LYPLA1: variants seen among roughly 807,000 people sequenced by gnomAD.
LYPLA1 encodes lysophospholipase 1.
LYPLA1 carries 17 observed loss-of-function variants against 34.0 expected under a neutral mutation model. The observed-to-expected ratio is 0.50, with a 90% CI of 0.34 to 0.75. LYPLA1 has a LOEUF of 0.75. Ranked by LOEUF, LYPLA1 falls within the 30% of genes least tolerant of loss-of-function variation. The probability of loss-of-function intolerance (pLI) is 0.01; values close to 1 mark genes in which losing one functional copy is unlikely to be tolerated. For synonymous variants in LYPLA1, 98 were observed against 100.8 expected, an observed-to-expected ratio of 0.97 and a Z score of 0.17; for missense variants, 203 against 288.8, an observed-to-expected ratio of 0.70 and a Z score of 2.15.
At chr8:54,061,818 T>TC (rs1407148054) in intron 5 of LYPLA1, among the ~76,000 whole-genome samples, 10 of 152,200 alleles carry the variant, frequency 6.6e-5, no homozygotes, top group African/African-American at 2.2e-4. Context: ...CAGCAGTACC[T>TC]CCTGAGATTA....
intron 2 of LYPLA1, among the ~76,000 whole-genome samples, chr8:54,092,124 C>G (rs193038046): frequency 8.1e-5 from 12 of 147,684 alleles, no homozygotes; most frequent in African/African-American, 2.8e-4. Context: ...GGGGAGGCAG[C>G]GGCGGCAGAG....
chr8:54,080,754 AT>A (rs1808254756), intron 2 of LYPLA1, among the ~76,000 whole-genome samples: 1 of 151,882 alleles, frequency 6.6e-6, no homozygotes, highest in Non-Finnish European at 1.5e-5. Context: ...TACCCAACTA[AT>A]TTTTTTATTT....
intron 2 of LYPLA1, among the ~76,000 whole-genome samples, chr8:54,070,149 T>C (rs1410533276): frequency 6.6e-6 from 1 of 152,140 alleles, no homozygotes; most frequent in Non-Finnish European, 1.5e-5. Flanking sequence ...TACCGAAGAA[T>C]AGTGAAAAAA....
chr8:54,054,936 A>C (rs1377854054), intron 6 of LYPLA1, 124 bp downstream of exon 6: 6 of 642,374 alleles, frequency 9.3e-6, no homozygotes, highest in Non-Finnish European at 1.4e-5. Flanking sequence ...TTAAACATCA[A>C]AGGTAAGTGT....
downstream of LYPLA1, among the ~76,000 whole-genome samples, chr8:54,045,782 C>T (rs1049078786): frequency 7.9e-5 from 12 of 152,230 alleles, no homozygotes; most frequent in South Asian, 2.1e-4. Flanking sequence ...AGAAAAAGAC[C>T]GGGCACAGTG....
At chr8:54,097,320 A>T (rs1268329982) in intron 2 of LYPLA1, among the ~76,000 whole-genome samples, 1 of 152,236 alleles carries the variant, frequency 6.6e-6, no homozygotes, top group East Asian at 1.9e-4. Context: ...ACTGAATCTA[A>T]TCATGAGTAA....
intron 2 of LYPLA1, among the ~76,000 whole-genome samples, chr8:54,088,299 T>C (rs1312419330): frequency 3.3e-5 from 5 of 152,222 alleles, no homozygotes; most frequent in Non-Finnish European, 2.9e-5. Context: ...CCTAATTAGA[T>C]GGAGAGGAAA....
chr8:54,076,712 C>T (rs998391257), intron 2 of LYPLA1, among the ~76,000 whole-genome samples: 6 of 152,218 alleles, frequency 3.9e-5, no homozygotes, highest in African/African-American at 9.7e-5. Context: ...ACAGCATGAG[C>T]GATCTGTGCC....
intron 6 of LYPLA1, among the ~76,000 whole-genome samples, chr8:54,053,998 G>C (rs1273318742): frequency 1.3e-5 from 2 of 152,060 alleles, no homozygotes; most frequent in Non-Finnish European, 2.9e-5. Flanking sequence ...TATTATTTTT[G>C]AGACAGAGTC....
Position 54,082,636 on chromosome 8 carries a change from C to G in LYPLA1, c.102-16823G>C, listed in dbSNP as rs373535757. The stretch of plus-strand genomic sequence containing the variant: ...ACCTGCCCAGGATACACTTTTTCCA[C>G]TTAAATTGCTGGAATTCTAACTTAT... On this transcript the variant is annotated intron_variant, in intron 2 of 8. Coordinates refer to ENST00000316963, the MANE Select transcript of LYPLA1 (RefSeq NM_006330.4). 1.2e-4 allele frequency among the ~76,000 whole-genome samples: 19 copies of G among 152,294 alleles called. 1 individual carries two copies. In the South Asian group the frequency reaches 3.9e-3, roughly 32 times the overall value.
chr8:54,075,057 T>G (rs545870869), intron 2 of LYPLA1, among the ~76,000 whole-genome samples: 1 of 152,322 alleles, frequency 6.6e-6, no homozygotes, highest in African/African-American at 2.4e-5. Context: ...CAAGCCATAG[T>G]GGAAAGAATG....
At chr8:54,084,124 G>GGAAAA (rs1554547911) in intron 2 of LYPLA1, among the ~76,000 whole-genome samples, 1 of 56,370 alleles carries the variant, frequency 1.8e-5, no homozygotes, top group African/African-American at 8.9e-5. Flanking sequence ...GGAGACCAAA[G>GGAAAA]AAAAAAAAAA....
At position 54,073,305 on chromosome 8, in the gene LYPLA1, C is replaced by T. The variant is rs1029835016; in HGVS notation, c.102-7492G>A. 2.8e-4 allele frequency: 247 copies of T among 868,362 alleles called. 1 individual carries two copies. Among genetic ancestry groups the T allele is most frequent in the Middle Eastern group, 1.7e-3 (5 of 3,026 alleles). 53.8% of individuals were successfully genotyped at this position (868,362 alleles called of 1,614,324 possible). ...GGTCCTTCTGTGCCTGCCCCCTCTC[C>T]TTCTATGGACGGAACTGTGAGCATG... On this transcript the variant is annotated intron_variant, in intron 2 of 8. Transcript: ENST00000316963.
At chr8:54,090,354 C>G (rs1042959296) in intron 2 of LYPLA1, among the ~76,000 whole-genome samples, 5 of 152,196 alleles carry the variant, frequency 3.3e-5, no homozygotes, top group African/African-American at 1.2e-4. Context: ...TGATTAATAT[C>G]TTGCTAATCA....
chr8:54,056,784 G>A (rs1017367282), intron 5 of LYPLA1, among the ~76,000 whole-genome samples: 11 of 152,150 alleles, frequency 7.2e-5, no homozygotes, highest in East Asian at 3.9e-4. Flanking sequence ...ATGGTGGTGC[G>A]CACCTGTAGT....
chr8:54,092,386 A>G (rs1355436622), intron 2 of LYPLA1, among the ~76,000 whole-genome samples: 1 of 152,008 alleles, frequency 6.6e-6, no homozygotes, highest in Non-Finnish European at 1.5e-5. Context: ...AAGAAAGAAG[A>G]AAGAAGAAGA....
At chr8:54,044,596 G>A (rs1325430973), downstream of LYPLA1, among the ~76,000 whole-genome samples, 2 of 151,974 alleles carry the variant, frequency 1.3e-5, no homozygotes, top group Admixed American at 6.6e-5. Flanking sequence ...CGGGGTGGAA[G>A]GGGCCAGATT....
chr8:54,052,782 A>G (rs1700549018), intron 6 of LYPLA1, 26 bp from the exon 7 acceptor site: 1 of 1,433,398 alleles, frequency 7.0e-7, no homozygotes, highest in Non-Finnish European at 9.8e-7. Context: ...GGGAAAGTCA[A>G]TGGAACACAC....
intron 2 of LYPLA1, among the ~76,000 whole-genome samples, chr8:54,084,618 A>T (rs983145759): frequency 2.0e-5 from 3 of 152,196 alleles, no homozygotes; most frequent in African/African-American, 7.2e-5. Flanking sequence ...TGGTTCTTTG[A>T]AAAGATCAAC....
Sources: gnomAD v4.1 joint callset for allele counts (sites outside exome capture counted in the v4.1 genomes callset) on GRCh38, gnomAD v4.1.1 for gene constraint, MANE v1.5 for transcripts, NCBI Gene and HGNC (gene_info 2026-07-23, HGNC 2026-07-21) for gene names.